The following GPHN variants were observed in gnomAD, a reference collection of about 807,000 sequenced individuals.
GPHN encodes gephyrin.
A neutral mutation model predicts 95.5 loss-of-function variants in GPHN; 17 were observed. The observed-to-expected ratio is 0.18, with a 90% CI of 0.12 to 0.27. The LOEUF is 0.27. Ranked by LOEUF, GPHN falls within the 10% of genes least tolerant of loss-of-function variation. The pLI, the probability that GPHN is intolerant of heterozygous loss-of-function variation, is 1.00. For synonymous variants in GPHN, 320 were observed against 322.5 expected, an observed-to-expected ratio of 0.99 and a Z score of 0.08; for missense variants, 660 against 978.1, an observed-to-expected ratio of 0.67 and a Z score of 4.34.
At chr14:67,477,166 CA>C in the GPHN span, among the ~76,000 whole-genome samples, 68,910 of 136,978 alleles carry the variant, frequency 0.5, 17,359 homozygotes, top group African/African-American at 0.7. Context: ...AACTCCATCT[CA>C]AAAAAAAAAA....
the GPHN span, among the ~76,000 whole-genome samples, chr14:67,504,886 C>CAAACA: frequency 1.9e-3 from 287 of 152,084 alleles, 2 homozygotes; most frequent in African/African-American, 6.6e-3. Flanking sequence ...CACTCCGTCT[C>CAAACA]AAACAAAACA....
the GPHN span, chr14:67,571,748 G>C: frequency 6.2e-7 from 1 of 1,612,228 alleles, no homozygotes; most frequent in Non-Finnish European, 8.5e-7. Context: ...GGCCTGTCTT[G>C]CAGAGAGCTA....
the GPHN span, among the ~76,000 whole-genome samples, chr14:67,474,187 G>A: frequency 6.6e-6 from 1 of 152,042 alleles, no homozygotes; most frequent in Non-Finnish European, 1.5e-5. Flanking sequence ...GCAAGGCAGA[G>A]GTTGGAGTGA....
chr14:66,595,777 T>C (rs965134346), intron 1 of GPHN, among the ~76,000 whole-genome samples: 2 of 133,444 alleles, frequency 1.5e-5, no homozygotes, highest in African/African-American at 3.7e-5. Context: ...CCTGAAGTGC[T>C]ACAGCTCTTC....
the GPHN span, among the ~76,000 whole-genome samples, chr14:67,453,181 G>T: frequency 6.6e-6 from 1 of 152,230 alleles, no homozygotes; most frequent in African/African-American, 2.4e-5. Context: ...TAACCAAATA[G>T]TATGCTCAAA....
the GPHN span, chr14:67,411,990 A>G: frequency 6.5e-7 from 1 of 1,531,818 alleles, no homozygotes; most frequent in Non-Finnish European, 8.8e-7. Context: ...CCACCCGGGC[A>G]ATGTCCCGAA....
chr14:67,616,051 G>T, the GPHN span: 1 of 302,880 alleles, frequency 3.3e-6, no homozygotes, highest in South Asian at 5.4e-5. Context: ...GAAGAAGAGG[G>T]AGAGAATGAG....
chr14:66,828,781 G>A (rs1158651077), intron 4 of GPHN, among the ~76,000 whole-genome samples: 1 of 151,726 alleles, frequency 6.6e-6, no homozygotes, highest in Non-Finnish European at 1.5e-5. Context: ...TTTCTCTCCA[G>A]GTCTATTAAA....
intron 4 of GPHN, among the ~76,000 whole-genome samples, chr14:66,855,199 A>G (rs1021764080): frequency 6.6e-6 from 1 of 152,130 alleles, no homozygotes; most frequent in African/African-American, 2.4e-5. Flanking sequence ...TATATTCACA[A>G]TGTTGTACAA....
rs145643688 is a variant in GPHN, at chr14:66,805,907, C to A, written c.202-18567C>A. Among the ~76,000 whole-genome samples, 679 of 152,248 alleles carry A rather than the reference C, an allele frequency of 4.5e-3. 2 individuals carry two copies. The highest frequency in any genetic ancestry group is 0.016 in the African/African-American group (648 of 41,542). On this transcript the variant is annotated intron_variant, in intron 3 of 22. Transcript: ENST00000478722. ...CATTCTGGGGTCTGGAGGATGGTGG[C>A]CCTCTTCTCACAGCTCTGCTAGGCA...
chr14:67,573,914 T>C, the GPHN span: 1 of 1,545,450 alleles, frequency 6.5e-7, no homozygotes, highest in Non-Finnish European at 9.0e-7. This position sits in a 1 kb window ranked among gnomAD's most constrained non-coding sequence, Gnocchi z 4.8. Context: ...CTGCTAGTAT[T>C]TTAAACAGAA....
At chr14:67,404,521 A>C in the GPHN span, among the ~76,000 whole-genome samples, 1 of 152,084 alleles carries the variant, frequency 6.6e-6, no homozygotes, top group South Asian at 2.1e-4. Flanking sequence ...AAATATTTAA[A>C]ATTTCGAGTT....
At chr14:67,726,163 TC>T in the GPHN span, 1 of 1,552,618 alleles carries the variant, frequency 6.4e-7, no homozygotes. Context: ...TGGGTAAGTA[TC>T]TTTGGGTGAC....
intron 2 of GPHN, among the ~76,000 whole-genome samples, chr14:66,697,996 G>C (rs1175192020): frequency 6.6e-6 from 1 of 151,912 alleles, no homozygotes; most frequent in Non-Finnish European, 1.5e-5. Flanking sequence ...CTGCTGCCTG[G>C]TTTTATAAAT....
the GPHN span, among the ~76,000 whole-genome samples, chr14:67,607,708 A>T: frequency 1.3e-5 from 2 of 152,148 alleles, no homozygotes; most frequent in African/African-American, 4.8e-5. Flanking sequence ...ATTTTTAGGG[A>T]GCTGCCAGAG....
chr14:67,162,680 G>C (rs1230221526), intron 19 of GPHN, among the ~76,000 whole-genome samples: 1 of 152,146 alleles, frequency 6.6e-6, no homozygotes, highest in East Asian at 1.9e-4. Context: ...CCATAAATCA[G>C]TATCAAAATC....
chr14:66,745,175 T>G (rs1357855750), intron 2 of GPHN, among the ~76,000 whole-genome samples: 1 of 152,116 alleles, frequency 6.6e-6, no homozygotes, highest in African/African-American at 2.4e-5. Flanking sequence ...ACTTTTTATT[T>G]TGAAAACTTT....
At chr14:67,238,288 A>AG in the GPHN span, among the ~76,000 whole-genome samples, 1 of 65,344 alleles carries the variant, frequency 1.5e-5, no homozygotes, top group Non-Finnish European at 2.9e-5. Context: ...TTTTTTTTTT[A>AG]GACACGGTCT....
intron 1 of GPHN, among the ~76,000 whole-genome samples, chr14:66,522,275 T>C (rs1402546728): frequency 2.0e-5 from 3 of 152,230 alleles, no homozygotes; most frequent in African/African-American, 4.8e-5. Flanking sequence ...TGCTTTATTT[T>C]GAATTTATGA....
Sources: gnomAD v4.1 joint callset for allele counts (sites outside exome capture counted in the v4.1 genomes callset) on GRCh38, gnomAD v4.1.1 for gene constraint, Gnocchi (gnomAD v3.1) non-coding constraint, MANE v1.5 for transcripts, NCBI Gene and HGNC (gene_info 2026-07-23, HGNC 2026-07-21) for gene names.